Variants in ERI3 observed in about 807,000 individuals in gnomAD.
The protein encoded by ERI3 is ERI1 exoribonuclease family member 3.
Under a neutral mutation model 44.4 loss-of-function variants are expected in ERI3, and 18 were observed. The ratio of observed to expected loss-of-function variants is 0.41; its 90% CI spans 0.28 to 0.60. ERI3 has a LOEUF of 0.60. Ranked by LOEUF, ERI3 falls within the 20% of genes least tolerant of loss-of-function variation. The probability of loss-of-function intolerance (pLI) is 0.36; values close to 1 mark genes in which losing one functional copy is unlikely to be tolerated. For synonymous variants in ERI3, 183 were observed against 164.8 expected, an observed-to-expected ratio of 1.11 and a Z score of -0.84; for missense variants, 294 against 435.5, an observed-to-expected ratio of 0.68 and a Z score of 2.89.
chr1:44,307,923 C>T (rs1450677350), intron 6 of ERI3, among the ~76,000 whole-genome samples: 1 of 152,206 alleles, frequency 6.6e-6, no homozygotes, highest in Non-Finnish European at 1.5e-5. Context: ...ATAATGCCTA[C>T]TTTATATGGT....
intron 8 of ERI3, among the ~76,000 whole-genome samples, chr1:44,231,866 T>G (rs1465819861): frequency 6.6e-6 from 1 of 152,200 alleles, no homozygotes. Flanking sequence ...ATTTCTTATC[T>G]CTTATGAAGA....
At chr1:44,342,824 T>TATATATATATATATAA (rs1646686823) in intron 2 of ERI3, among the ~76,000 whole-genome samples, 1 of 14,802 alleles carries the variant, frequency 6.8e-5, no homozygotes, top group African/African-American at 2.8e-4. Flanking sequence ...TATATATATA[T>TATATATATATATATAA]ATATATATAT....
At chr1:44,334,023 C>T (rs191204597) in intron 3 of ERI3, among the ~76,000 whole-genome samples, 146 of 152,328 alleles carry the variant, frequency 9.6e-4, no homozygotes, top group African/African-American at 3.3e-3. Flanking sequence ...CACTTGAATA[C>T]AGATGAGAAG....
chr1:44,300,277 T>C (rs937126540), intron 6 of ERI3, among the ~76,000 whole-genome samples: 2 of 152,172 alleles, frequency 1.3e-5, no homozygotes, highest in Non-Finnish European at 2.9e-5. Flanking sequence ...GAATTTCCAT[T>C]CCAGGGGTTC....
chr1:44,221,444 A>C lies in ERI3; in HGVS notation c.*114T>G. 1.1e-6 allele frequency: 1 copy of C among 870,506 alleles called. No individual in the cohort carries two copies. The highest frequency in any genetic ancestry group is 1.8e-6 in the Non-Finnish European group (1 of 546,156). 53.9% of individuals were successfully genotyped at this position (870,506 alleles called of 1,614,324 possible). A position where few individuals can be genotyped will look rare whatever the true frequency, so the allele number is the denominator to read the frequency against. On this transcript the variant is annotated 3_prime_UTR_variant, in exon 9 of 9. Coordinates refer to ENST00000372257, the MANE Select transcript of ERI3 (RefSeq NM_024066.3). The surrounding 1 kb of genome is among the most constrained non-coding windows in gnomAD (Gnocchi z 5.9). The stretch of plus-strand genomic sequence containing the variant: ...GCATGAGCCCACAGGGCAGCTGGGG[A>C]CACTCTGGACACAGAGCTATGCCAC...
At chr1:44,225,793 A>C (rs1238987198) in intron 8 of ERI3, among the ~76,000 whole-genome samples, 1 of 152,210 alleles carries the variant, frequency 6.6e-6, no homozygotes, top group African/African-American at 2.4e-5. Flanking sequence ...GTGGACAGGA[A>C]GCAGGGCCTG....
chr1:44,247,105 G>A (rs970143820), intron 8 of ERI3, among the ~76,000 whole-genome samples: 2 of 152,098 alleles, frequency 1.3e-5, no homozygotes, highest in African/African-American at 4.8e-5. Flanking sequence ...CACACAGATT[G>A]GTAGCTGCTT....
Position 44,355,114 on chromosome 1 carries a change from G to T in ERI3, c.-88C>A. The T allele has an allele frequency of 5.6e-6, 7 of 1,240,650 alleles. No homozygotes were observed. Among genetic ancestry groups the T allele is most frequent in the Non-Finnish European group, 7.1e-6 (7 of 986,438 alleles). The allele number at this position is 1,240,650 out of a possible 1,614,324, so 76.9% of individuals were successfully genotyped here. A position where few individuals can be genotyped will look rare whatever the true frequency, so the allele number is the denominator to read the frequency against. On this transcript the variant is annotated 5_prime_UTR_variant, in exon 1 of 9. Transcript: ENST00000372257. ...CCCTCGGCCTCAGCAAGCGCTCAGG[G>T]CAGTTGGCGGCGGCGGGCGCGGCCC... is the stretch of plus-strand genomic sequence containing the variant.
chr1:44,287,039 TAA>T (rs1236334235), intron 6 of ERI3, among the ~76,000 whole-genome samples: 1 of 152,230 alleles, frequency 6.6e-6, no homozygotes, highest in Non-Finnish European at 1.5e-5. Context: ...GTGGTCAACC[TAA>T]ACTGTGATAA....
chr1:44,234,445 C>T (rs145374250), intron 8 of ERI3, among the ~76,000 whole-genome samples: 91 of 151,778 alleles, frequency 6.0e-4, no homozygotes, highest in Middle Eastern at 3.4e-3. Context: ...GGGCAAATCA[C>T]GAGGTCAGGA....
At chr1:44,293,492 C>T (rs976314355) in intron 6 of ERI3, among the ~76,000 whole-genome samples, 2 of 152,352 alleles carry the variant, frequency 1.3e-5, no homozygotes, top group Middle Eastern at 3.4e-3. Context: ...AGCTCACTCA[C>T]TTCACAGTGA....
intron 2 of ERI3, among the ~76,000 whole-genome samples, chr1:44,345,974 TC>T (rs1243750479): frequency 2.0e-5 from 3 of 152,190 alleles, no homozygotes. Flanking sequence ...AGCTATGCAG[TC>T]TCACAGAAGA....
intron 6 of ERI3, among the ~76,000 whole-genome samples, chr1:44,299,258 T>C (rs1416871414): frequency 5.3e-5 from 8 of 152,254 alleles, no homozygotes; most frequent in East Asian, 3.9e-4. Context: ...TCATGGCTCA[T>C]TGCAGCCTCA....
chr1:44,258,011 T>A (rs1316414081), intron 7 of ERI3, among the ~76,000 whole-genome samples: 3 of 152,178 alleles, frequency 2.0e-5, no homozygotes, highest in Admixed American at 1.3e-4. Context: ...CTATGTCAAA[T>A]GACCCTGTCT....
In ERI3 at chr1:44,228,307, A is replaced by G. The variant is rs1435941439; in HGVS notation, c.932-6667T>C. On this transcript the variant is annotated intron_variant, in intron 8 of 8. Transcript: ENST00000372257. This position sits in a 1 kb window ranked among gnomAD's most constrained non-coding sequence, Gnocchi z 4.3. Reference sequence around the variant, plus strand: ...GATGGTGAAGGATGACGATGGTTCCACAATAAGGGGAAAAGGCAATTTCAT... The same window carrying G: ...GATGGTGAAGGATGACGATGGTTCCGCAATAAGGGGAAAAGGCAATTTCAT... 6.6e-6 allele frequency among the ~76,000 whole-genome samples: 1 copy of G among 152,208 alleles called. No individual in the cohort carries two copies. Among genetic ancestry groups the G allele is most frequent in the East Asian group, 1.9e-4 (1 of 5,202 alleles).
chr1:44,226,776 TAAACACAC>T (rs1011754190), intron 8 of ERI3, among the ~76,000 whole-genome samples: 1 of 71,730 alleles, frequency 1.4e-5, no homozygotes, highest in Non-Finnish European at 2.7e-5. Context: ...TCAGCATTAT[TAAACACAC>T]ACACACACAC....
intron 7 of ERI3, among the ~76,000 whole-genome samples, chr1:44,261,974 G>A (rs1419273267): frequency 2.6e-5 from 4 of 152,214 alleles, no homozygotes; most frequent in Non-Finnish European, 4.4e-5. Context: ...AGGGAACAGA[G>A]TAGAGGGAGG....
intron 8 of ERI3, among the ~76,000 whole-genome samples, chr1:44,238,164 G>T (rs1367772092): frequency 6.6e-6 from 1 of 152,090 alleles, no homozygotes; most frequent in Non-Finnish European, 1.5e-5. Flanking sequence ...TCCAGCTGAG[G>T]AGCCATCATT....
chr1:44,284,310 T>A (rs528109711), intron 7 of ERI3, among the ~76,000 whole-genome samples: 25 of 152,290 alleles, frequency 1.6e-4, no homozygotes, highest in South Asian at 4.2e-4. Flanking sequence ...CCAAAGGGAA[T>A]TGGACTCTAG....
Sources: gnomAD v4.1 joint callset for allele counts (sites outside exome capture counted in the v4.1 genomes callset) on GRCh38, gnomAD v4.1.1 for gene constraint, Gnocchi (gnomAD v3.1) non-coding constraint, MANE v1.5 for transcripts, NCBI Gene and HGNC (gene_info 2026-07-23, HGNC 2026-07-21) for gene names.